The following MGMT variants were observed in gnomAD, a reference collection of about 807,000 sequenced individuals.
The protein encoded by MGMT is O-6-methylguanine-DNA methyltransferase.
Under a neutral mutation model 15.9 loss-of-function variants are expected in MGMT, and 14 were observed. The observed-to-expected ratio is 0.88, with a 90% CI of 0.58 to 1.37. The LOEUF (loss-of-function observed/expected upper bound fraction) is 1.37, where lower values mean the gene tolerates loss of function less well. Ranked by LOEUF, MGMT falls within the 40% of genes most tolerant of loss-of-function variation. The pLI is 0.00. For missense variants in MGMT, 282 were observed against 268.1 expected (o/e 1.05, Z -0.36); for synonymous variants, 130 against 118.2 (o/e 1.10, Z -0.65).
Position 129,608,595 on chromosome 10 carries a change from G to A in MGMT, c.125+72218G>A, listed in dbSNP as rs4751105. 5.1e-3 allele frequency among the ~76,000 whole-genome samples: 770 copies of A among 152,324 alleles called. 8 individuals are homozygous for A. The highest frequency in any genetic ancestry group is 0.036 in the Admixed American group (547 of 15,308). ...AAAGTTTTATTTATATTAAAATAAG[G>A]CATAATCTCTCTGCGTATAATTATA... On this transcript the variant is annotated intron_variant, in intron 2 of 4. Coordinates refer to ENST00000651593, the MANE Select transcript of MGMT (RefSeq NM_002412.5).
intron 2 of MGMT, among the ~76,000 whole-genome samples, chr10:129,581,985 C>T (rs1054881060): frequency 2.0e-5 from 3 of 152,230 alleles, no homozygotes; most frequent in Admixed American, 1.3e-4. Context: ...CCTGTCTGTG[C>T]AGGAGGCTGT....
chr10:129,552,125 G>A (rs1254440630), intron 2 of MGMT, among the ~76,000 whole-genome samples: 2 of 152,242 alleles, frequency 1.3e-5, no homozygotes, highest in African/African-American at 4.8e-5. Flanking sequence ...CCACTAAGGG[G>A]GACCTGCTGA....
intron 1 of MGMT, among the ~76,000 whole-genome samples, chr10:129,492,413 C>T (rs60376260): frequency 0.051 from 7,778 of 152,202 alleles, 558 homozygotes; most frequent in African/African-American, 0.16. Context: ...TCTGTCTTTC[C>T]GCCTACCTTT....
rs754357043 is a variant in MGMT, at chr10:129,477,909, A to G, written c.-13+10613A>G. On this transcript the variant is annotated intron_variant, in intron 1 of 4. Coordinates refer to ENST00000651593, the MANE Select transcript of MGMT (RefSeq NM_002412.5). ...TCATCAGACAGTGCTCCAAAAAGGC[A>G]CTGTTCTCAGGTTTAGCTCTTGGCA... 5.9e-5 allele frequency among the ~76,000 whole-genome samples: 9 copies of G among 152,220 alleles called. 1 individual carries two copies. The highest frequency in any genetic ancestry group is 1.2e-4 in the Non-Finnish European group (8 of 68,036).
intron 1 of MGMT, among the ~76,000 whole-genome samples, chr10:129,535,351 G>A (rs2119757593): frequency 6.6e-6 from 1 of 152,246 alleles, no homozygotes; most frequent in East Asian, 1.9e-4. Context: ...AGCTAGGATT[G>A]CACCGCTGCT....
chr10:129,609,826 G>C (rs1177901440), intron 2 of MGMT, among the ~76,000 whole-genome samples: 2 of 152,124 alleles, frequency 1.3e-5, no homozygotes, highest in Non-Finnish European at 2.9e-5. Flanking sequence ...TTTCACCTGG[G>C]GGGACACCAC....
intron 2 of MGMT, among the ~76,000 whole-genome samples, chr10:129,662,158 A>T (rs1847605018): frequency 1.3e-5 from 2 of 152,124 alleles, no homozygotes; most frequent in South Asian, 4.2e-4. Context: ...AAATAGCCTG[A>T]CAGAACAGGG....
chr10:129,617,897 CTGGGACGGGCCACA>C (rs971075181), intron 2 of MGMT, among the ~76,000 whole-genome samples: 5 of 152,126 alleles, frequency 3.3e-5, no homozygotes, highest in African/African-American at 1.2e-4. Flanking sequence ...CCTTCCGGCA[CTGGGACGGGCCACA>C]TGGGAGGAGC....
chr10:129,632,302 C>T (rs147903800), intron 2 of MGMT, among the ~76,000 whole-genome samples: 89 of 152,292 alleles, frequency 5.8e-4, no homozygotes, highest in African/African-American at 2.1e-3. Flanking sequence ...AAGTGGATTG[C>T]ATGTGGGCGC....
At chr10:129,570,630 T>C (rs1311422397) in intron 2 of MGMT, among the ~76,000 whole-genome samples, 1 of 152,272 alleles carries the variant, frequency 6.6e-6, no homozygotes, top group Non-Finnish European at 1.5e-5. Flanking sequence ...CTGGCAGATA[T>C]TACCTACTAA....
intron 1 of MGMT, among the ~76,000 whole-genome samples, chr10:129,500,659 C>T (rs547257696): frequency 5.2e-4 from 79 of 152,236 alleles, no homozygotes; most frequent in African/African-American, 1.7e-3. Context: ...GAGCAATCCT[C>T]GCACCTCAGC....
intron 2 of MGMT, among the ~76,000 whole-genome samples, chr10:129,696,907 G>C (rs1435304121): frequency 6.6e-6 from 1 of 152,224 alleles, no homozygotes; most frequent in Non-Finnish European, 1.5e-5. Flanking sequence ...TCCAGGCCTT[G>C]CTTTGGAGGG....
At position 129,481,837 on chromosome 10, in the gene MGMT, A is replaced by T. The variant is rs1259023060; in HGVS notation, c.-13+14541A>T. ...TTGCACTTTGTCCCCTTTTTTGCTA[A>T]CTGGTCTGGCTAGAGGTTTATCTGT... On this transcript the variant is annotated intron_variant, in intron 1 of 4. Coordinates refer to ENST00000651593, the MANE Select transcript of MGMT (RefSeq NM_002412.5). Among the ~76,000 whole-genome samples the T allele has an allele frequency of 5.3e-5, 8 of 152,014 alleles. No homozygotes were observed. The East Asian group carries it at 1.5e-3, about 29-fold the overall frequency.
At chr10:129,626,890 A>G (rs1847155975) in intron 2 of MGMT, among the ~76,000 whole-genome samples, 1 of 152,244 alleles carries the variant, frequency 6.6e-6, no homozygotes, top group East Asian at 1.9e-4. Context: ...GATGCAGGGA[A>G]GGCTTCTCAT....
rs569544326 is a variant in MGMT, at chr10:129,652,490, C to T, written c.126-55405C>T. 1.4e-4 allele frequency among the ~76,000 whole-genome samples: 22 copies of T among 152,348 alleles called. No homozygotes were observed. In the South Asian group the frequency reaches 1.9e-3, roughly 13 times the overall value. On this transcript the variant is annotated intron_variant, in intron 2 of 4. Transcript: ENST00000651593. ...GAGGGAACATTCTAGTATGTGCGTG[C>T]GCCCATGCGAAGGCTTTCAAAGGCC...
intron 3 of MGMT, among the ~76,000 whole-genome samples, chr10:129,733,384 C>T (rs557039727): frequency 1.8e-4 from 28 of 152,146 alleles, no homozygotes; most frequent in African/African-American, 5.5e-4. Flanking sequence ...TCATGTCCTT[C>T]GCCCACTTTT....
At chr10:129,749,327 C>CT (rs1848728621) in intron 3 of MGMT, among the ~76,000 whole-genome samples, 1 of 151,924 alleles carries the variant, frequency 6.6e-6, no homozygotes, top group South Asian at 2.1e-4. Flanking sequence ...AACCACTTAT[C>CT]TTTTTTCTGT....
rs1262791702 is a variant in MGMT, at chr10:129,556,568, A to T, written c.125+20191A>T. Among the ~76,000 whole-genome samples, 11 of 152,100 alleles carry T rather than the reference A, an allele frequency of 7.2e-5. No homozygotes were observed. The highest frequency in any genetic ancestry group is 7.2e-4 in the Admixed American group (11 of 15,270). On this transcript the variant is annotated intron_variant, in intron 2 of 4. Coordinates refer to ENST00000651593, the MANE Select transcript of MGMT (RefSeq NM_002412.5). This position sits in a 1 kb window ranked among gnomAD's most constrained non-coding sequence, Gnocchi z 4.3. ...CGCAGCCTCGTCGGTGGGTTTGGTG[A>T]TGCTGTGCAGTTCAGCTTTACCGTC...
In MGMT at chr10:129,769,211, G is replaced by C. The variant is rs909747078; in HGVS notation, c.*2214G>C. On this transcript the variant is annotated 3_prime_UTR_variant, in exon 5 of 5. Coordinates refer to ENST00000651593, the MANE Select transcript of MGMT (RefSeq NM_002412.5). ...CCCTGTCAGAACAGGCTTGATAGAT[G>C]CCCGGAGGTTCCCTCTGACAGCCGC... 7.9e-5 allele frequency: 12 copies of C among 152,282 alleles called. No individual in the cohort carries two copies. Among genetic ancestry groups the C allele is most frequent in the Admixed American group, 7.2e-4 (11 of 15,282 alleles). The allele number at this position is 152,282 out of a possible 1,614,324, so 9.4% of individuals were successfully genotyped here.
Sources: gnomAD v4.1 joint callset for allele counts (sites outside exome capture counted in the v4.1 genomes callset) on GRCh38, gnomAD v4.1.1 for gene constraint, Gnocchi (gnomAD v3.1) non-coding constraint, MANE v1.5 for transcripts, NCBI Gene and HGNC (gene_info 2026-07-23, HGNC 2026-07-21) for gene names.